Variants in SWT1 observed in about 807,000 individuals in gnomAD.
The protein encoded by SWT1 is SWT1 RNA endoribonuclease homolog.
A neutral mutation model predicts 107.3 loss-of-function variants in SWT1; 33 were observed. That is an observed-to-expected ratio of 0.31 (90% CI 0.23 to 0.41). The LOEUF is 0.41. SWT1 is among the 10% of genes least tolerant of loss of function. SWT1 has a pLI of 1.00. For missense variants in SWT1, 898 were observed against 1,028.9 expected (o/e 0.87, Z 1.74); for synonymous variants, 345 against 348.3 (o/e 0.99, Z 0.11).
intron 16 of SWT1, among the ~76,000 whole-genome samples, chr1:185,250,203 C>T (rs1214419647): frequency 2.0e-5 from 3 of 152,160 alleles, no homozygotes; most frequent in Non-Finnish European, 4.4e-5. Flanking sequence ...TCATAGCTCA[C>T]TGCAGCCTCG....
At chr1:185,250,959 G>T (rs1480793051) in intron 16 of SWT1, among the ~76,000 whole-genome samples, 2 of 152,084 alleles carry the variant, frequency 1.3e-5, no homozygotes, top group Non-Finnish European at 2.9e-5. Context: ...CACTGCACCC[G>T]GCCTGGAAAT....
chr1:185,264,800 G>C (rs1389648205), intron 16 of SWT1, among the ~76,000 whole-genome samples: 1 of 152,116 alleles, frequency 6.6e-6, no homozygotes, highest in African/African-American at 2.4e-5. Context: ...CAAGATAAAA[G>C]ACAGGATTAG....
chr1:185,286,470 C>T (rs1231672664), intron 18 of SWT1, among the ~76,000 whole-genome samples: 3 of 152,048 alleles, frequency 2.0e-5, no homozygotes, highest in Admixed American at 6.5e-5. Context: ...GTGATCTGCC[C>T]GCCTCAGCCT....
chr1:185,222,861 T>C (rs992160949), intron 15 of SWT1, among the ~76,000 whole-genome samples: 2 of 151,118 alleles, frequency 1.3e-5, no homozygotes, highest in African/African-American at 4.9e-5. Context: ...TACTATGCAA[T>C]AGAACACCAG....
intron 16 of SWT1, among the ~76,000 whole-genome samples, chr1:185,241,001 G>A (rs1661219879): frequency 6.6e-6 from 1 of 151,996 alleles, no homozygotes; most frequent in African/African-American, 2.4e-5. Flanking sequence ...TTGCTTTTGA[G>A]ATAAAATTTT....
intron 9 of SWT1, among the ~76,000 whole-genome samples, chr1:185,188,330 C>T (rs1483153326): frequency 6.6e-6 from 1 of 152,194 alleles, no homozygotes; most frequent in East Asian, 1.9e-4. Flanking sequence ...GATACTGTTA[C>T]AGCAGTGCAC....
At chr1:185,253,886 G>C (rs1176032189) in intron 16 of SWT1, among the ~76,000 whole-genome samples, 2 of 151,514 alleles carry the variant, frequency 1.3e-5, no homozygotes, top group Non-Finnish European at 2.9e-5. Context: ...TCCAGTTTTT[G>C]TCCATTCAGT....
intron 16 of SWT1, among the ~76,000 whole-genome samples, chr1:185,243,914 CAG>C (rs1661423493): frequency 6.6e-6 from 1 of 152,070 alleles, no homozygotes; most frequent in Non-Finnish European, 1.5e-5. Context: ...TGACTTTACG[CAG>C]ATTTTATTTA....
intron 18 of SWT1, chr1:185,280,929 T>C (rs868664563): frequency 2.1e-6 from 1 of 485,390 alleles, no homozygotes; most frequent in Non-Finnish European, 4.2e-6. Flanking sequence ...TTTGGTGAGG[T>C]TGGAAACCAG....
At chr1:185,218,679 T>C (rs1428939711) in intron 14 of SWT1, among the ~76,000 whole-genome samples, 1 of 152,166 alleles carries the variant, frequency 6.6e-6, no homozygotes, top group Non-Finnish European at 1.5e-5. Context: ...TTATGGGCCT[T>C]CTAACCACTA....
intron 10 of SWT1, among the ~76,000 whole-genome samples, chr1:185,196,543 A>G (rs1189175623): frequency 6.6e-6 from 1 of 152,202 alleles, no homozygotes; most frequent in Non-Finnish European, 1.5e-5. Flanking sequence ...TAGCTTGATC[A>G]GGATAGCATT....
At chr1:185,213,007 C>A (rs1366410953) in intron 13 of SWT1, among the ~76,000 whole-genome samples, 5 of 152,074 alleles carry the variant, frequency 3.3e-5, no homozygotes, top group Non-Finnish European at 7.4e-5. Flanking sequence ...CTTTGTTACC[C>A]ATATTAGCTT....
intron 14 of SWT1, among the ~76,000 whole-genome samples, chr1:185,217,303 G>A (rs565587892): frequency 6.6e-6 from 1 of 152,122 alleles, no homozygotes; most frequent in Non-Finnish European, 1.5e-5. Context: ...GGTGAGCAGC[G>A]AGCAAGCAAG....
At chr1:185,206,432 A>T (rs1558039488) in intron 12 of SWT1, among the ~76,000 whole-genome samples, 193 bp from the exon 13 acceptor site, 2 of 152,234 alleles carry the variant, frequency 1.3e-5, no homozygotes, top group Non-Finnish European at 2.9e-5. Context: ...TAATACTAAC[A>T]TGAGTTTTAC....
chr1:185,227,557 T>C, intron 15 of SWT1: 1 of 517,268 alleles, frequency 1.9e-6, no homozygotes, highest in South Asian at 1.7e-5. Context: ...CATCCTGTAT[T>C]TGAGTGTGTT....
At chr1:185,210,438 A>G (rs911858136) in intron 13 of SWT1, among the ~76,000 whole-genome samples, 2 of 152,174 alleles carry the variant, frequency 1.3e-5, no homozygotes, top group African/African-American at 2.4e-5. Context: ...CTTTCTGCAT[A>G]TGGCTATCCA....
chr1:185,209,059 A>T (rs927990966), intron 13 of SWT1, among the ~76,000 whole-genome samples: 1 of 152,158 alleles, frequency 6.6e-6, no homozygotes, highest in Non-Finnish European at 1.5e-5. Flanking sequence ...GTTTAGAAAT[A>T]TGTGCATACA....
intron 16 of SWT1, among the ~76,000 whole-genome samples, chr1:185,232,856 C>T (rs1487422431): frequency 6.6e-6 from 1 of 152,100 alleles, no homozygotes; most frequent in Non-Finnish European, 1.5e-5. Flanking sequence ...AACTTTAAAA[C>T]ATATTGATGC....
chr1:185,226,657 T>C, intron 15 of SWT1, among the ~76,000 whole-genome samples: 1 of 152,116 alleles, frequency 6.6e-6, no homozygotes, highest in East Asian at 1.9e-4. Flanking sequence ...TGTTAGATAC[T>C]ACTGATTCAA....
Sources: gnomAD v4.1 joint callset for allele counts (sites outside exome capture counted in the v4.1 genomes callset) on GRCh38, gnomAD v4.1.1 for gene constraint, MANE v1.5 for transcripts, NCBI Gene and HGNC (gene_info 2026-07-23, HGNC 2026-07-21) for gene names.